Variants in KHDRBS2 observed in about 807,000 individuals in gnomAD.
The protein encoded by KHDRBS2 is KH RNA binding domain containing, signal transduction associated 2.
In KHDRBS2, 26 loss-of-function variants were observed where a neutral mutation model predicts 44.3. That is an observed-to-expected ratio of 0.59 (90% CI 0.43 to 0.81). The LOEUF (loss-of-function observed/expected upper bound fraction) is 0.81. KHDRBS2 is among the 40% of genes least tolerant of loss of function. The pLI is 0.00. For missense variants in KHDRBS2, 476 were observed against 433.1 expected, an observed-to-expected ratio of 1.10 and a Z score of -0.88; for synonymous variants, 194 against 151.1, an observed-to-expected ratio of 1.28 and a Z score of -2.08.
the KHDRBS2 span, among the ~76,000 whole-genome samples, chr6:61,623,472 G>C: frequency 6.6e-6 from 1 of 152,154 alleles, no homozygotes; most frequent in African/African-American, 2.4e-5. Flanking sequence ...CTGTGTTGCT[G>C]AGCCCTGATA....
At chr6:61,965,021 T>C (rs1769591371) in intron 4 of KHDRBS2, among the ~76,000 whole-genome samples, 1 of 152,142 alleles carries the variant, frequency 6.6e-6, no homozygotes, top group Non-Finnish European at 1.5e-5. Flanking sequence ...GCACAGAATT[T>C]GTTAATCTTT....
intron 4 of KHDRBS2, among the ~76,000 whole-genome samples, chr6:61,969,180 A>G (rs1770784078): frequency 1.3e-5 from 2 of 152,010 alleles, no homozygotes; most frequent in Admixed American, 1.3e-4. Flanking sequence ...TTTTTGGATA[A>G]CAGATTATTG....
chr6:62,234,340 A>G (rs139587172), intron 1 of KHDRBS2, among the ~76,000 whole-genome samples: 23 of 152,268 alleles, frequency 1.5e-4, no homozygotes, highest in Admixed American at 1.2e-3. Context: ...TTACAGCACA[A>G]TTTTGTTATA....
chr6:61,762,448 C>T (rs181651700), intron 6 of KHDRBS2, among the ~76,000 whole-genome samples: 143 of 152,250 alleles, frequency 9.4e-4, no homozygotes, highest in African/African-American at 3.2e-3. Flanking sequence ...GGGGCAGATT[C>T]CTCATGAATG....
chr6:62,154,854 CA>C (rs1458185132), intron 2 of KHDRBS2, among the ~76,000 whole-genome samples: 1 of 152,136 alleles, frequency 6.6e-6, no homozygotes, highest in Non-Finnish European at 1.5e-5. Context: ...TAAACCAAAA[CA>C]GGTAAGTGAC....
At chr6:62,076,727 G>A (rs1178777219) in intron 2 of KHDRBS2, among the ~76,000 whole-genome samples, 2 of 151,990 alleles carry the variant, frequency 1.3e-5, no homozygotes, top group African/African-American at 2.4e-5. Flanking sequence ...AGAATGGAAG[G>A]GATGCTCAAT....
the KHDRBS2 span, among the ~76,000 whole-genome samples, chr6:61,569,485 G>A: frequency 2.2e-4 from 33 of 152,246 alleles, no homozygotes; most frequent in African/African-American, 7.7e-4. Flanking sequence ...GTCAACTCAG[G>A]CCATTATAGC....
chr6:61,589,859 C>T, the KHDRBS2 span, among the ~76,000 whole-genome samples: 6 of 152,076 alleles, frequency 3.9e-5, no homozygotes, highest in African/African-American at 1.4e-4. Flanking sequence ...TCCCACATTC[C>T]CTATGAGGGT....
intron 2 of KHDRBS2, among the ~76,000 whole-genome samples, chr6:62,121,319 G>C (rs187401627): frequency 1.3e-5 from 2 of 152,312 alleles, no homozygotes; most frequent in East Asian, 3.9e-4. Flanking sequence ...GCAAAGATTA[G>C]TGCCACCATC....
chr6:61,720,141 T>C (rs1462166018), intron 7 of KHDRBS2, among the ~76,000 whole-genome samples: 2 of 152,224 alleles, frequency 1.3e-5, no homozygotes, highest in Admixed American at 6.5e-5. Flanking sequence ...TATTTCAAGG[T>C]GTATATGTGC....
chr6:62,245,288 C>A lies in KHDRBS2; in HGVS notation c.91+40570G>T, dbSNP rs573647062. ...ATCTCATAAATGTCATCTCTGTTGC[C>A]CAGAGACATTAAAAAGAAAATTTTA... is the stretch of plus-strand genomic sequence containing the variant. On this transcript the variant is annotated intron_variant, in intron 1 of 8. Transcript: ENST00000281156. 3.3e-5 allele frequency among the ~76,000 whole-genome samples: 5 copies of A among 151,856 alleles called. No individual in the cohort carries two copies. In the East Asian group the frequency reaches 9.7e-4, roughly 29 times the overall value.
rs959950047 is a variant in KHDRBS2 at position 62,095,175 on chromosome 6, TAAAG to T, written c.220-47185_220-47182del. On this transcript the variant is annotated intron_variant, in intron 2 of 8. Transcript: ENST00000281156. ...ATGTTTTCTACATCTGAAAAAGAAA[TAAAG>T]AAAGCAATCCCTTTCACAATAGCTA... Among the ~76,000 whole-genome samples, 4 of 151,728 alleles carry T rather than the reference TAAAG, an allele frequency of 2.6e-5. No homozygotes were observed. In the East Asian group the frequency reaches 5.8e-4, roughly 22 times the overall value.
intron 3 of KHDRBS2, among the ~76,000 whole-genome samples, chr6:62,041,342 G>T (rs1337436635): frequency 6.6e-6 from 1 of 150,842 alleles, no homozygotes; most frequent in Admixed American, 6.6e-5. Flanking sequence ...AATAAAAAAA[G>T]AAAAAAAAAT....
At chr6:62,214,070 T>C (rs1348812581) in intron 1 of KHDRBS2, among the ~76,000 whole-genome samples, 1 of 152,050 alleles carries the variant, frequency 6.6e-6, no homozygotes, top group Non-Finnish European at 1.5e-5. Flanking sequence ...TTGAACAGCT[T>C]TATCTTCTAT....
At chr6:61,945,141 A>ATATG in intron 4 of KHDRBS2, among the ~76,000 whole-genome samples, 1 of 111,270 alleles carries the variant, frequency 9.0e-6, no homozygotes, top group Non-Finnish European at 1.9e-5. Flanking sequence ...ATATATATAT[A>ATATG]TATATATATA....
At chr6:62,103,336 C>A (rs1802339462) in intron 2 of KHDRBS2, among the ~76,000 whole-genome samples, 2 of 152,160 alleles carry the variant, frequency 1.3e-5, no homozygotes, top group South Asian at 4.1e-4. Flanking sequence ...AGCCCCCTGG[C>A]CTGTCGCTCA....
At chr6:62,012,408 C>A (rs1780469628) in intron 3 of KHDRBS2, among the ~76,000 whole-genome samples, 1 of 152,140 alleles carries the variant, frequency 6.6e-6, no homozygotes, top group Non-Finnish European at 1.5e-5. Flanking sequence ...ATCCACAATC[C>A]TTTTCCACTA....
intron 2 of KHDRBS2, among the ~76,000 whole-genome samples, chr6:62,051,656 A>C (rs1789074976): frequency 6.6e-6 from 1 of 152,052 alleles, no homozygotes; most frequent in Non-Finnish European, 1.5e-5. Flanking sequence ...TAAACTAAAA[A>C]ACTCCTTCAG....
chr6:62,047,946 T>C lies in KHDRBS2; in HGVS notation c.268A>G (p.Arg90Gly), dbSNP rs1218840440. The C allele has an allele frequency of 1.2e-6, 2 of 1,612,266 alleles. No homozygotes were observed. The highest frequency in any genetic ancestry group is 1.1e-5 in the South Asian group (1 of 91,048). Reference sequence around the variant, plus strand: ...TTAGCACCTGTTTCTTCCTGTAGCCTCTTCAAGGAGTTTCCTCTTGGTCCA... The same window carrying C: ...TTAGCACCTGTTTCTTCCTGTAGCCCCTTCAAGGAGTTTCCTCTTGGTCCA... The part of the protein sequence containing the change: ...LLGPRGNSLK[R>G]LQEETGAKMS... The change falls in exon 3 of 9, where the codon AGG (arginine) becomes GGG (glycine). Residue 90 changes from arginine (R) to glycine (G), a missense_variant. Transcript: ENST00000281156.
Sources: allele counts gnomAD v4.1 joint callset (sites outside exome capture counted in the v4.1 genomes callset), GRCh38; gene constraint gnomAD v4.1.1; transcripts MANE v1.5; gene names NCBI Gene and HGNC (gene_info 2026-07-23, HGNC 2026-07-21).